The following RPS6KA2 variants were observed in gnomAD, a reference collection of about 807,000 sequenced individuals.
RPS6KA2 encodes the protein ribosomal protein S6 kinase alpha-2.
A neutral mutation model predicts 91.8 loss-of-function variants in RPS6KA2; 42 were observed. The ratio of observed to expected loss-of-function variants is 0.46; its 90% CI spans 0.36 to 0.59. RPS6KA2 has a LOEUF of 0.59. Among genes scored for constraint, RPS6KA2 ranks in the 20% least tolerant of loss-of-function variants. The pLI, the probability that RPS6KA2 is intolerant of heterozygous loss-of-function variation, is 0.00. For synonymous variants in RPS6KA2, 414 were observed against 393.6 expected (o/e 1.05, Z -0.61); for missense variants, 798 against 978.5 (o/e 0.82, Z 2.46).
At position 166,666,522 on chromosome 6, in the gene RPS6KA2, T is replaced by C. The variant is rs1356476951; in HGVS notation, c.124-127738A>G. Among the ~76,000 whole-genome samples the C allele has an allele frequency of 6.6e-6, 1 of 152,114 alleles. No individual in the cohort carries two copies. Among genetic ancestry groups the C allele is most frequent in the Non-Finnish European group, 1.5e-5 (1 of 68,028 alleles). On this transcript the variant is annotated intron_variant, in intron 2 of 21. Coordinates refer to the RPS6KA2 transcript ENST00000503859. This position sits in a 1 kb window ranked among gnomAD's most constrained non-coding sequence, Gnocchi z 4.0. Reference sequence around the variant, plus strand: ...ATGCTCAACGCCAGTCACTAATCCTTAGGGAAATGCAAATCAACACCACAA... The same window carrying C: ...ATGCTCAACGCCAGTCACTAATCCTCAGGGAAATGCAAATCAACACCACAA...
chr6:166,478,822 C>G (rs1781079393), intron 10 of RPS6KA2, among the ~76,000 whole-genome samples: 1 of 152,170 alleles, frequency 6.6e-6, no homozygotes. Flanking sequence ...TACAGTGCTT[C>G]CCACCCATCA....
intron 2 of RPS6KA2, among the ~76,000 whole-genome samples, chr6:166,742,662 C>T (rs572628462): frequency 3.9e-4 from 60 of 152,326 alleles, no homozygotes; most frequent in African/African-American, 1.4e-3. Context: ...CAACACCTTC[C>T]TCTTCTGTGC....
chr6:166,817,106 A>C (rs2178807), intron 2 of RPS6KA2, among the ~76,000 whole-genome samples: 93,673 of 152,032 alleles, frequency 0.62, 30,603 homozygotes, highest in Non-Finnish European at 0.74. Flanking sequence ...GGTGAAAAGG[A>C]ATAGAGAAAA....
In RPS6KA2 at chr6:166,770,909, T is replaced by C. The variant is rs1171346608; in HGVS notation, c.123+87291A>G. ...TGTCTTGCAGGCAGCTGAGTCACTT[T>C]TGCCCTGTGAAAATGGAAACGAAGA... On this transcript the variant is annotated intron_variant, in intron 2 of 21. Transcript: ENST00000503859. This position sits in a 1 kb window ranked among gnomAD's most constrained non-coding sequence, Gnocchi z 5.1. The C allele has an allele frequency of 6.3e-7, 1 of 1,596,942 alleles. No homozygotes were observed. The highest frequency in any genetic ancestry group is 8.5e-7 in the Non-Finnish European group (1 of 1,179,496).
At chr6:166,414,343 T>C (rs977709180) in intron 19 of RPS6KA2, among the ~76,000 whole-genome samples, 1 of 152,176 alleles carries the variant, frequency 6.6e-6, no homozygotes, top group Admixed American at 6.5e-5. Flanking sequence ...GGACTACCCA[T>C]AAATATTTAC....
intron 2 of RPS6KA2, among the ~76,000 whole-genome samples, chr6:166,799,542 A>G (rs845652): frequency 0.38 from 58,089 of 151,716 alleles, 12,815 homozygotes; most frequent in East Asian, 0.54. Flanking sequence ...GCTTATAGAG[A>G]AAAAGGAGTC....
chr6:166,529,405 A>C (rs1355029856), intron 3 of RPS6KA2, among the ~76,000 whole-genome samples: 1 of 151,848 alleles, frequency 6.6e-6, no homozygotes. Context: ...GGAACATCAC[A>C]CACTGGGGCC....
chr6:166,498,998 G>A (rs1313537429), intron 7 of RPS6KA2, among the ~76,000 whole-genome samples: 1 of 152,188 alleles, frequency 6.6e-6, no homozygotes, highest in Non-Finnish European at 1.5e-5. Context: ...TTGCAGGGCA[G>A]AGGGACCTGG....
chr6:166,798,788 G>A (rs912164856), intron 2 of RPS6KA2, among the ~76,000 whole-genome samples: 2 of 152,118 alleles, frequency 1.3e-5, no homozygotes, highest in Non-Finnish European at 2.9e-5. Flanking sequence ...CCACAGACAG[G>A]TGCATCTTGG....
chr6:166,657,630 A>T (rs909067153), intron 2 of RPS6KA2, among the ~76,000 whole-genome samples: 1 of 152,198 alleles, frequency 6.6e-6, no homozygotes, highest in African/African-American at 2.4e-5. Flanking sequence ...CAGATGATTA[A>T]AAGGACAGGA....
intron 2 of RPS6KA2, among the ~76,000 whole-genome samples, chr6:166,812,363 A>G (rs1779658843): frequency 6.6e-6 from 1 of 152,186 alleles, no homozygotes; most frequent in Non-Finnish European, 1.5e-5. Context: ...CTCAAAAAAA[A>G]GAAATAAAGC....
intron 2 of RPS6KA2, among the ~76,000 whole-genome samples, chr6:166,699,339 T>C (rs1789443946): frequency 6.6e-6 from 1 of 152,002 alleles, no homozygotes; most frequent in Non-Finnish European, 1.5e-5. Flanking sequence ...GCAAGAAGAA[T>C]CTTGAGAGAA....
intron 19 of RPS6KA2, among the ~76,000 whole-genome samples, chr6:166,416,034 T>C (rs1398343493): frequency 7.5e-5 from 7 of 93,574 alleles, no homozygotes; most frequent in African/African-American, 2.6e-4. Context: ...CACCATCATC[T>C]TCACCACCTC....
intron 2 of RPS6KA2, among the ~76,000 whole-genome samples, chr6:166,775,296 A>T (rs1562432328): frequency 7.5e-6 from 1 of 132,624 alleles, no homozygotes; most frequent in Non-Finnish European, 1.6e-5. Flanking sequence ...AGCCCTCAGG[A>T]GCTCCACCTT....
chr6:166,470,443 A>T (rs1485296527), intron 10 of RPS6KA2, among the ~76,000 whole-genome samples: 1 of 152,244 alleles, frequency 6.6e-6, no homozygotes, highest in East Asian at 1.9e-4. Flanking sequence ...CTGCTCAGAC[A>T]GGTGACTGTG....
chr6:166,422,678 C>T (rs976567218), intron 17 of RPS6KA2, among the ~76,000 whole-genome samples: 1 of 152,150 alleles, frequency 6.6e-6, no homozygotes, highest in African/African-American at 2.4e-5. Context: ...AGAAGTTCAC[C>T]AGGTGCCTGC....
chr6:166,858,344 TACTA>T (rs1780963994), intron 1 of RPS6KA2: 1 of 714,424 alleles, frequency 1.4e-6, no homozygotes, highest in Admixed American at 2.4e-5. Flanking sequence ...TATGAAAAAG[TACTA>T]ACTAAATATC....
chr6:166,412,851 T>C lies in RPS6KA2; in HGVS notation c.2113A>G (p.Thr705Ala), dbSNP rs1445796089. The C allele has an allele frequency of 4.5e-6, 7 of 1,567,644 alleles. 1 individual carries two copies. In the Admixed American group the frequency reaches 9.6e-5, roughly 21 times the overall value. Residue 705 changes from threonine (T) to alanine (A), a missense_variant, in exon 21 of 21, where the codon ACA becomes GCA. Coordinates refer to ENST00000265678, the MANE Select transcript of RPS6KA2 (RefSeq NM_021135.6). The surrounding 1 kb of genome is among the most constrained non-coding windows in gnomAD (Gnocchi z 4.3). Reference sequence around the variant, plus strand: ...GGCTCCAGCCGCGGGGCCTGAGGTGTTCTGTTTAGAGCAAAGTAGGTGGCG... The same window carrying C: ...GGCTCCAGCCGCGGGGCCTGAGGTGCTCTGTTTAGAGCAAAGTAGGTGGCG... ...MAATYFALNR[T>A]PQAPRLEPVL...
rs1341245377 is a variant in RPS6KA2 at position 166,554,182 on chromosome 6, A to G, written c.100-15398T>C. ...TCAGCTTTCTGCTACTTCTTCCCAC[A>G]GAGTGACATATTTTTCTTATTAGAC... On this transcript the variant is annotated intron_variant, in intron 1 of 20. Transcript: ENST00000265678. This position sits in a 1 kb window ranked among gnomAD's most constrained non-coding sequence, Gnocchi z 4.3. Among the ~76,000 whole-genome samples the G allele has an allele frequency of 6.6e-6, 1 of 152,226 alleles. No individual in the cohort carries two copies. Among genetic ancestry groups the G allele is most frequent in the East Asian group, 1.9e-4 (1 of 5,194 alleles).
Sources: gnomAD v4.1 joint callset for allele counts (sites outside exome capture counted in the v4.1 genomes callset) on GRCh38, gnomAD v4.1.1 for gene constraint, Gnocchi (gnomAD v3.1) non-coding constraint, MANE v1.5 for transcripts, NCBI Gene and HGNC (gene_info 2026-07-23, HGNC 2026-07-21) for gene names.